PCDHGA2: variants seen among roughly 807,000 people sequenced by gnomAD.
PCDHGA2 encodes protocadherin gamma subfamily A, 2.
In PCDHGA2, 40 loss-of-function variants were observed where a neutral mutation model predicts 59.2. That is an observed-to-expected ratio of 0.68 (90% CI 0.52 to 0.88). The LOEUF (loss-of-function observed/expected upper bound fraction) is 0.88, where lower values mean the gene tolerates loss of function less well. Among genes scored for constraint, PCDHGA2 ranks in the 40% least tolerant of loss-of-function variants. The pLI is 0.00. For synonymous variants in PCDHGA2, 560 were observed against 526.0 expected (o/e 1.06, Z -0.89); for missense variants, 1,226 against 1,204.0 (o/e 1.02, Z -0.27).
intron 1 of PCDHGA2, chr5:141,374,451 T>C: frequency 6.2e-7 from 1 of 1,613,730 alleles, no homozygotes; most frequent in Non-Finnish European, 8.5e-7. Flanking sequence ...GAAGTGGAAA[T>C]AGTGGACATT....
At chr5:141,409,920 C>G in intron 1 of PCDHGA2, 1 of 1,613,400 alleles carries the variant, frequency 6.2e-7, no homozygotes, top group Non-Finnish European at 8.5e-7. Flanking sequence ...GACGGCTCCG[C>G]GTTCTTCGAT....
At chr5:141,453,093 C>A (rs1408495535) in intron 1 of PCDHGA2, among the ~76,000 whole-genome samples, 1 of 151,928 alleles carries the variant, frequency 6.6e-6, no homozygotes, top group African/African-American at 2.4e-5. Context: ...AGTATATTTT[C>A]TGTTGCTTTT....
chr5:141,410,175 C>T (rs202065305), intron 1 of PCDHGA2: 5 of 1,613,752 alleles, frequency 3.1e-6, no homozygotes, highest in Non-Finnish European at 8.5e-7. Flanking sequence ...TCTGCCACCG[C>T]CACGCTTCAT....
At position 141,512,161 on chromosome 5, in the gene PCDHGA2, G is replaced by A. The variant is rs1176664723; in HGVS notation, c.*988G>A. On this transcript the variant is annotated 3_prime_UTR_variant, in exon 4 of 4. Transcript: ENST00000394576. ...AGCCAGCTTTGGGCTGAGCTAACAGGACCAATGGATTAAACTGGCATTTCA... is the reference window on the plus strand; with the variant it reads ...AGCCAGCTTTGGGCTGAGCTAACAGAACCAATGGATTAAACTGGCATTTCA... The A allele has an allele frequency of 6.5e-6, 1 of 152,704 alleles. No homozygotes were observed. Among genetic ancestry groups the A allele is most frequent in the African/African-American group, 2.4e-5 (1 of 41,440 alleles). 9.5% of individuals were successfully genotyped at this position (152,704 alleles called of 1,614,324 possible). A position where few individuals can be genotyped will look rare whatever the true frequency, so the allele number is the denominator to read the frequency against.
chr5:141,340,813 G>C lies in PCDHGA2; in HGVS notation c.1842G>C (p.Pro614=). 1.2e-6 allele frequency: 2 copies of C among 1,613,930 alleles called. No homozygotes were observed. Among genetic ancestry groups the C allele is most frequent in the East Asian group, 2.2e-5 (1 of 44,852 alleles). ...LSYHLLKASE[P]GLFSVGLHTG... is the part of the protein sequence containing the mutation. ...ACCACCTGCTCAAGGCCAGCGAGCC[G>C]GGACTCTTCTCGGTGGGTCTGCACA... Residue 614 remains proline (P), a synonymous_variant, in exon 1 of 4, where the codon CCG becomes CCC. Coordinates refer to ENST00000394576, the MANE Select transcript of PCDHGA2 (RefSeq NM_018915.4).
chr5:141,341,420 G>C (rs1351098792), intron 1 of PCDHGA2, 25 bp downstream of exon 1: 1 of 1,612,888 alleles, frequency 6.2e-7, no homozygotes, highest in Non-Finnish European at 8.5e-7. Context: ...CACAACATAC[G>C]TACTAGCTAG....
At chr5:141,394,101 C>A (rs753056702) in intron 1 of PCDHGA2, 7 of 1,613,944 alleles carry the variant, frequency 4.3e-6, no homozygotes, top group Middle Eastern at 1.6e-4. Flanking sequence ...TCTAGGAACA[C>A]CACCTCTGTC....
intron 1 of PCDHGA2, chr5:141,379,115 T>C (rs1775378962): frequency 6.6e-6 from 1 of 152,230 alleles, no homozygotes; most frequent in African/African-American, 2.4e-5. Context: ...ATTGAGAAGA[T>C]ACCTTGAAAA....
chr5:141,477,169 G>A lies in PCDHGA2; in HGVS notation c.2425-17638G>A. 6.2e-7 allele frequency: 1 copy of A among 1,614,198 alleles called. No individual in the cohort carries two copies. The highest frequency in any genetic ancestry group is 8.5e-7 in the Non-Finnish European group (1 of 1,180,042). The stretch of plus-strand genomic sequence containing the variant: ...TGGATGTGAATGACAACGCCCCGGA[G>A]ATCACAGTCACCTCCGTGTACAGCC... On this transcript the variant is annotated intron_variant, in intron 1 of 3. Transcript: ENST00000394576. The surrounding 1 kb of genome is among the most constrained non-coding windows in gnomAD (Gnocchi z 4.9).
At position 141,477,896 on chromosome 5, in the gene PCDHGA2, G is replaced by A. The variant is rs1444527086; in HGVS notation, c.2425-16911G>A. 2 of 1,614,174 alleles carry A rather than the reference G, an allele frequency of 1.2e-6. No individual in the cohort carries two copies. Among genetic ancestry groups the A allele is most frequent in the Non-Finnish European group, 1.7e-6 (2 of 1,180,038 alleles). ...AGCTGGCCACCTAGTGTCACGGGTG[G>A]TAGGCTGGGACGCGGATGCAGGGCA... On this transcript the variant is annotated intron_variant, in intron 1 of 3. Coordinates refer to ENST00000394576, the MANE Select transcript of PCDHGA2 (RefSeq NM_018915.4). The surrounding 1 kb of genome is among the most constrained non-coding windows in gnomAD (Gnocchi z 4.9).
intron 1 of PCDHGA2, chr5:141,350,784 T>A (rs1561498371): frequency 1.2e-6 from 2 of 1,613,248 alleles, no homozygotes; most frequent in Non-Finnish European, 1.7e-6. Context: ...AATCAATACT[T>A]CTCTCTGTCA....
chr5:141,432,665 G>A lies in PCDHGA2; in HGVS notation c.2425-62142G>A. 1 of 1,613,896 alleles carries A rather than the reference G, an allele frequency of 6.2e-7. No individual in the cohort carries two copies. Among genetic ancestry groups the A allele is most frequent in the Non-Finnish European group, 8.5e-7 (1 of 1,179,956 alleles). On this transcript the variant is annotated intron_variant, in intron 1 of 3. Coordinates refer to ENST00000394576, the MANE Select transcript of PCDHGA2 (RefSeq NM_018915.4). The surrounding 1 kb of genome is among the most constrained non-coding windows in gnomAD (Gnocchi z 6.0). ...CACGGCGCGAGCCCTGCTGGACAGA[G>A]ACGCGCTCAAGCAGAGCCTCGTAGT... is the stretch of plus-strand genomic sequence containing the variant.
At chr5:141,398,356 G>A (rs1242233046) in intron 1 of PCDHGA2, 2 of 1,409,378 alleles carry the variant, frequency 1.4e-6, no homozygotes, top group South Asian at 1.2e-5. Context: ...TTACTTCACC[G>A]TGAGCGCAGA....
At position 141,384,620 on chromosome 5, in the gene PCDHGA2, G is replaced by C. The variant is rs767421233; in HGVS notation, c.2424+43225G>C. On this transcript the variant is annotated intron_variant, in intron 1 of 3. Coordinates refer to ENST00000394576, the MANE Select transcript of PCDHGA2 (RefSeq NM_018915.4). ...GCCCTCCCCACAGATGGTTCTACTG[G>C]CATGGAGCTGGCACCCCGCTCCGCA... 6 of 1,614,082 alleles carry C rather than the reference G, an allele frequency of 3.7e-6. No homozygotes were observed. The African/African-American group carries it at 8.0e-5, about 22-fold the overall frequency.
At chr5:141,409,755 G>C (rs2095312141) in intron 1 of PCDHGA2, 1 of 1,613,024 alleles carries the variant, frequency 6.2e-7, no homozygotes, top group Non-Finnish European at 8.5e-7. Flanking sequence ...TTCGCGCAGC[G>C]CGCCTTTGAT....
At chr5:141,393,527 T>A in intron 1 of PCDHGA2, 10 of 1,613,990 alleles carry the variant, frequency 6.2e-6, no homozygotes, top group Non-Finnish European at 6.8e-6. Context: ...CAAATGACAA[T>A]GCCCCGGTTT....
intron 1 of PCDHGA2, chr5:141,385,109 C>A: frequency 6.2e-7 from 1 of 1,614,174 alleles, no homozygotes; most frequent in South Asian, 1.1e-5. Flanking sequence ...AACGTGCCCA[C>A]CTCGCACTTT....
At chr5:141,399,836 T>C (rs2093900703) in intron 1 of PCDHGA2, 2 of 1,613,080 alleles carry the variant, frequency 1.2e-6, no homozygotes, top group East Asian at 2.2e-5. Context: ...GGCTCTGCGC[T>C]CTTCGATATG....
rs1405589878 is a variant in PCDHGA2 at position 141,504,323 on chromosome 5, T to A, written c.2484-1070T>A. On this transcript the variant is annotated intron_variant, in intron 2 of 3. Transcript: ENST00000394576. ...CACTCGGAGTTTCTAAAAGTCTCAC[T>A]TAGGTCCAAGTGCTAGGCTTTGTGC... Among the ~76,000 whole-genome samples, 4 of 152,114 alleles carry A rather than the reference T, an allele frequency of 2.6e-5. No individual in the cohort carries two copies. In the East Asian group the frequency reaches 7.7e-4, roughly 29 times the overall value.
Sources: gnomAD v4.1 joint callset for allele counts (sites outside exome capture counted in the v4.1 genomes callset) on GRCh38, gnomAD v4.1.1 for gene constraint, Gnocchi (gnomAD v3.1) non-coding constraint, MANE v1.5 for transcripts, NCBI Gene and HGNC (gene_info 2026-07-23, HGNC 2026-07-21) for gene names.